LINGO1: variants seen among roughly 807,000 people sequenced by gnomAD.
The protein encoded by LINGO1 is leucine rich repeat and Ig domain containing 1, also known as leucine-rich repeat and immunoglobulin-like domain-containing nogo receptor-interacting protein 1.
LINGO1 carries 11 observed loss-of-function variants against 37.3 expected under a neutral mutation model. The observed-to-expected ratio is 0.29, with a 90% CI of 0.19 to 0.49. LINGO1 has a LOEUF of 0.49. Among genes scored for constraint, LINGO1 ranks in the 20% least tolerant of loss-of-function variants. The pLI is 0.99. For synonymous variants in LINGO1, 387 were observed against 403.0 expected, an observed-to-expected ratio of 0.96 and a Z score of 0.48; for missense variants, 585 against 878.2, an observed-to-expected ratio of 0.67 and a Z score of 4.22.
At chr15:77,778,692 C>T (rs914005528) in intron 1 of LINGO1, among the ~76,000 whole-genome samples, 2 of 152,230 alleles carry the variant, frequency 1.3e-5, no homozygotes, top group East Asian at 1.9e-4. Flanking sequence ...CACCACTCCA[C>T]GGCCACCAGC....
chr15:77,655,485 C>G (rs1313820285), intron 3 of LINGO1, among the ~76,000 whole-genome samples: 1 of 152,210 alleles, frequency 6.6e-6, no homozygotes, highest in Non-Finnish European at 1.5e-5. Flanking sequence ...GTGGGCACTC[C>G]TCCGAGATCA....
intron 1 of LINGO1, among the ~76,000 whole-genome samples, chr15:77,630,520 G>A (rs147889486): frequency 6.0e-4 from 91 of 152,238 alleles, no homozygotes; most frequent in Non-Finnish European, 1.1e-3. Flanking sequence ...ATGCCCAGAG[G>A]ACAGAGGATG....
At chr15:77,806,982 T>C (rs2076965387) in intron 1 of LINGO1, among the ~76,000 whole-genome samples, 1 of 152,138 alleles carries the variant, frequency 6.6e-6, no homozygotes, top group African/African-American at 2.4e-5. Context: ...CCACCTGCCA[T>C]GCAAAGCTCT....
intron 2 of LINGO1, among the ~76,000 whole-genome samples, chr15:77,795,430 G>A (rs7163336): frequency 0.5 from 75,579 of 151,982 alleles, 19,624 homozygotes; most frequent in South Asian, 0.61. Context: ...AATGACTGTC[G>A]CACAAACACA....
At chr15:77,767,142 A>G (rs1283422757) in intron 1 of LINGO1, among the ~76,000 whole-genome samples, 1 of 152,194 alleles carries the variant, frequency 6.6e-6, no homozygotes, top group African/African-American at 2.4e-5. Flanking sequence ...TCATCAAGAC[A>G]GAGAGCACAT....
chr15:77,738,327 A>G (rs1275810646), intron 1 of LINGO1, among the ~76,000 whole-genome samples: 1 of 152,114 alleles, frequency 6.6e-6, no homozygotes, highest in South Asian at 2.1e-4. Context: ...GTACAGACTG[A>G]AGTCCAAACT....
intron 1 of LINGO1, among the ~76,000 whole-genome samples, chr15:77,781,730 A>G (rs896869689): frequency 2.0e-5 from 3 of 152,250 alleles, no homozygotes; most frequent in African/African-American, 4.8e-5. Context: ...CAGAGGGGGT[A>G]GTGACTTGCC....
chr15:77,640,393 A>G (rs1412236899), intron 3 of LINGO1, among the ~76,000 whole-genome samples: 4 of 152,190 alleles, frequency 2.6e-5, no homozygotes, highest in African/African-American at 7.2e-5. Context: ...GGCTCAAATC[A>G]CGGACAGACA....
chr15:77,642,648 G>A (rs1251711809), intron 3 of LINGO1, among the ~76,000 whole-genome samples: 1 of 152,188 alleles, frequency 6.6e-6, no homozygotes, highest in African/African-American at 2.4e-5. Flanking sequence ...GCCCTTCAGA[G>A]CCCCCATAGT....
At chr15:77,668,792 TACACACACACACAC>T (rs34476518) in intron 3 of LINGO1, among the ~76,000 whole-genome samples, 148 of 134,900 alleles carry the variant, frequency 1.1e-3, no homozygotes, top group Admixed American at 5.8e-3. Flanking sequence ...CACAGGGGAA[TACACACACACACAC>T]ACACACACAC....
chr15:77,776,463 AGGC>A (rs1281538288), intron 1 of LINGO1, among the ~76,000 whole-genome samples: 5 of 123,784 alleles, frequency 4.0e-5, no homozygotes, highest in African/African-American at 1.6e-4. Context: ...GAAGGCAGGA[AGGC>A]AGGAAGGCAG....
chr15:77,650,481 C>T (rs1412789313), intron 3 of LINGO1, among the ~76,000 whole-genome samples: 1 of 152,180 alleles, frequency 6.6e-6, no homozygotes, highest in East Asian at 1.9e-4. Flanking sequence ...CAGCAGGGGG[C>T]AGCCTGGACC....
chr15:77,615,511 C>T lies in LINGO1; in HGVS notation c.396G>A (p.Lys132=). The change falls in exon 2 of 2, where the codon AAG becomes AAA. Residue 132 remains lysine (K), a synonymous_variant. Transcript: ENST00000355300. The stretch of plus-strand genomic sequence containing the variant: ...CAGTGAAGACGCCTAGCGGGATGAG[C>T]TTCAGGCGGTTGCTGCGGAGACCCA... ...RTLGLRSNRL[K]LIPLGVFTGL... 6.2e-7 allele frequency: 1 copy of T among 1,613,958 alleles called. No homozygotes were observed. The highest frequency in any genetic ancestry group is 1.7e-5 in the Admixed American group (1 of 60,026).
upstream of LINGO1, among the ~76,000 whole-genome samples, chr15:77,789,398 G>A (rs2076800939): frequency 6.6e-6 from 1 of 152,164 alleles, no homozygotes. Flanking sequence ...TCTGCAGTCA[G>A]GAGTTCAAGA....
intron 1 of LINGO1, among the ~76,000 whole-genome samples, chr15:77,766,308 A>AC (rs1555539943): frequency 6.8e-6 from 1 of 146,452 alleles, no homozygotes; most frequent in African/African-American, 2.7e-5. Flanking sequence ...AAAAAAAAAA[A>AC]AAAAAAAAAC....
At chr15:77,715,352 G>T (rs1418347023) in intron 2 of LINGO1, among the ~76,000 whole-genome samples, 1 of 152,202 alleles carries the variant, frequency 6.6e-6, no homozygotes, top group African/African-American at 2.4e-5. Context: ...TTTGGGCCCA[G>T]CCTGAATATC....
intron 1 of LINGO1, among the ~76,000 whole-genome samples, chr15:77,623,306 T>C (rs1012142783): frequency 6.6e-6 from 1 of 152,212 alleles, no homozygotes; most frequent in Non-Finnish European, 1.5e-5. Context: ...AAGGGACTTG[T>C]AGCCTGGTCA....
At chr15:77,776,550 G>GCAGGAAGGCAGGAAAGC (rs2076655895) in intron 1 of LINGO1, among the ~76,000 whole-genome samples, 1 of 44,958 alleles carries the variant, frequency 2.2e-5, no homozygotes, top group African/African-American at 7.0e-5. Flanking sequence ...GGGAGGGAGG[G>GCAGGAAGGCAGGAAAGC]AGGGAGGGAG....
chr15:77,698,842 G>T (rs1052449668), upstream of LINGO1, among the ~76,000 whole-genome samples: 2 of 152,146 alleles, frequency 1.3e-5, no homozygotes, highest in African/African-American at 2.4e-5. Context: ...CTGCCTTTTT[G>T]AAAGTGCCTG....
Sources: allele counts gnomAD v4.1 joint callset (sites outside exome capture counted in the v4.1 genomes callset), GRCh38; gene constraint gnomAD v4.1.1; transcripts MANE v1.5; gene names NCBI Gene and HGNC (gene_info 2026-07-23, HGNC 2026-07-21).